The following GARIN2 variants were observed in gnomAD, a reference collection of about 807,000 sequenced individuals.
GARIN2 encodes the protein golgi associated RAB2 interactor family member 2.
the GARIN2 span, chr14:67,223,624 C>A: frequency 1.5e-6 from 1 of 662,088 alleles, no homozygotes; most frequent in Non-Finnish European, 1.9e-6. Context: ...ACAAGGGTGG[C>A]ACAACTTACA....
chr14:67,205,613 A>G, the GARIN2 span, among the ~76,000 whole-genome samples: 1 of 152,222 alleles, frequency 6.6e-6, no homozygotes, highest in African/African-American at 2.4e-5. Flanking sequence ...AGAGAGTGGA[A>G]AAACAGAGAG....
chr14:67,198,266 A>AG, the GARIN2 span: 1 of 1,613,922 alleles, frequency 6.2e-7, no homozygotes, highest in Non-Finnish European at 8.5e-7. Context: ...TGTTGGATGG[A>AG]GGAGAGTATG....
the GARIN2 span, among the ~76,000 whole-genome samples, chr14:67,207,743 A>G: frequency 1.6e-3 from 240 of 152,214 alleles, no homozygotes; most frequent in African/African-American, 5.5e-3. Context: ...GGGATTTTAG[A>G]GTATTAAGTT....
the GARIN2 span, among the ~76,000 whole-genome samples, chr14:67,225,952 TGTGTGTGTGTGC>T: frequency 7.8e-3 from 1,081 of 139,134 alleles, 23 homozygotes; most frequent in African/African-American, 0.029. Flanking sequence ...TGTGTGTGTG[TGTGTGTGTGTGC>T]GCGCGCGCGC....
chr14:67,191,209 G>A, the GARIN2 span, among the ~76,000 whole-genome samples: 22 of 152,320 alleles, frequency 1.4e-4, no homozygotes, highest in African/African-American at 5.3e-4. Flanking sequence ...ACTCCAGCCT[G>A]GGTGATGGAG....
At chr14:67,209,691 G>A in the GARIN2 span, among the ~76,000 whole-genome samples, 1 of 151,418 alleles carries the variant, frequency 6.6e-6, no homozygotes, top group African/African-American at 2.4e-5. Flanking sequence ...GGTGGCAGGC[G>A]CCTGTAATCC....
At chr14:67,199,718 G>C in the GARIN2 span, 1 of 1,582,160 alleles carries the variant, frequency 6.3e-7, no homozygotes, top group Non-Finnish European at 8.7e-7. Context: ...TTCACCCTCT[G>C]CCCCCAATCC....
At chr14:67,226,450 T>C in the GARIN2 span, among the ~76,000 whole-genome samples, 1 of 152,212 alleles carries the variant, frequency 6.6e-6, no homozygotes, top group Non-Finnish European at 1.5e-5. Context: ...AACCTCTGCC[T>C]CCTGGGTTCA....
the GARIN2 span, among the ~76,000 whole-genome samples, chr14:67,206,734 A>C: frequency 6.6e-6 from 1 of 151,688 alleles, no homozygotes; most frequent in Non-Finnish European, 1.5e-5. Flanking sequence ...ATTTATTATT[A>C]TTATTATTAT....
chr14:67,198,298 T>C, the GARIN2 span: 5 of 1,613,582 alleles, frequency 3.1e-6, no homozygotes, highest in Non-Finnish European at 8.5e-7. Flanking sequence ...TCTCCTCCCA[T>C]GTTAGAGAGC....
At chr14:67,195,881 A>G in the GARIN2 span, among the ~76,000 whole-genome samples, 1 of 151,738 alleles carries the variant, frequency 6.6e-6, no homozygotes, top group Non-Finnish European at 1.5e-5. Context: ...GTGGGCCTAT[A>G]TTGAGAGACC....
At chr14:67,192,883 T>G in the GARIN2 span, among the ~76,000 whole-genome samples, 1 of 146,616 alleles carries the variant, frequency 6.8e-6, no homozygotes, top group Non-Finnish European at 1.5e-5. Context: ...TATAGATATA[T>G]ATCTAGATAT....
chr14:67,204,610 A>T, the GARIN2 span: 2 of 1,613,842 alleles, frequency 1.2e-6, no homozygotes, highest in African/African-American at 1.3e-5. Flanking sequence ...AAAGCTGGTG[A>T]GTGGTCGAGC....
At chr14:67,226,887 G>A in the GARIN2 span, among the ~76,000 whole-genome samples, 8 of 152,270 alleles carry the variant, frequency 5.3e-5, no homozygotes, top group African/African-American at 1.9e-4. Context: ...AGACAGCGAT[G>A]GGTGGCATAC....
chr14:67,194,191 C>T, the GARIN2 span, among the ~76,000 whole-genome samples: 6 of 151,544 alleles, frequency 4.0e-5, no homozygotes, highest in Non-Finnish European at 7.4e-5. Context: ...GGTGAAATCC[C>T]GTCTCTACAA....
chr14:67,225,962 T>TGC, the GARIN2 span, among the ~76,000 whole-genome samples: 1,561 of 113,458 alleles, frequency 0.014, 12 homozygotes, highest in Admixed American at 0.025. Context: ...TGTGTGTGTG[T>TGC]GCGCGCGCGC....
chr14:67,193,954 C>CAAAAAAAAAACAAAAAAAAAAAAAAAA, the GARIN2 span, among the ~76,000 whole-genome samples: 1 of 85,758 alleles, frequency 1.2e-5, no homozygotes, highest in African/African-American at 4.2e-5. Flanking sequence ...CAAAAAAAAA[C>CAAAAAAAAAACAAAAAAAAAAAAAAAA]AAAAAAAAAA....
chr14:67,193,425 A>T, the GARIN2 span, among the ~76,000 whole-genome samples: 1 of 142,098 alleles, frequency 7.0e-6, no homozygotes, highest in Non-Finnish European at 1.5e-5. Flanking sequence ...ATCTATATTT[A>T]TATCTGTATA....
the GARIN2 span, chr14:67,224,039 A>T: frequency 3.2e-6 from 3 of 936,320 alleles, no homozygotes; most frequent in Non-Finnish European, 3.8e-6. Flanking sequence ...AGCTCATCTG[A>T]TTCACATTCA....
Sources: gnomAD v4.1 joint callset for allele counts (sites outside exome capture counted in the v4.1 genomes callset) on GRCh38, gnomAD v4.1.1 for gene constraint, MANE v1.5 for transcripts, NCBI Gene and HGNC (gene_info 2026-07-23, HGNC 2026-07-21) for gene names.